Variants in EFR3A observed in about 807,000 individuals in gnomAD.
EFR3A encodes the protein EFR3 homolog A.
In EFR3A, 76 loss-of-function variants were observed where a neutral mutation model predicts 104.4. That is an observed-to-expected ratio of 0.73 (90% CI 0.60 to 0.88). The LOEUF (loss-of-function observed/expected upper bound fraction) is 0.88, where lower values mean the gene tolerates loss of function less well. Ranked by LOEUF, EFR3A falls within the 40% of genes least tolerant of loss-of-function variation. The probability of loss-of-function intolerance (pLI) is 0.00; values close to 1 mark genes in which losing one functional copy is unlikely to be tolerated. For synonymous variants in EFR3A, 330 were observed against 330.0 expected (o/e 1.00, Z 0.00); for missense variants, 985 against 1,012.5 (o/e 0.97, Z 0.37).
At chr8:131,979,079 A>G in intron 13 of EFR3A, 60 bp downstream of exon 13, 1 of 1,454,122 alleles carries the variant, frequency 6.9e-7, no homozygotes, top group Non-Finnish European at 9.3e-7. Context: ...AAATTAGTGT[A>G]TTTAAGTATT....
chr8:131,959,709 G>T, intron 8 of EFR3A, 46 bp downstream of exon 8: 3 of 1,411,440 alleles, frequency 2.1e-6, no homozygotes, highest in Admixed American at 1.9e-5. Context: ...AGTAATTTTG[G>T]TTCTCTATGG....
intron 19 of EFR3A, among the ~76,000 whole-genome samples, chr8:132,001,250 C>A (rs1821766918): frequency 6.6e-6 from 1 of 152,166 alleles, no homozygotes; most frequent in Admixed American, 6.5e-5. Context: ...GTGGTTCTAA[C>A]TTTTAAATCA....
intron 10 of EFR3A, among the ~76,000 whole-genome samples, chr8:131,972,256 C>CTT (rs34550285): frequency 0.011 from 1,496 of 139,602 alleles, 30 homozygotes; most frequent in African/African-American, 0.035. Context: ...CTCCCTGAAC[C>CTT]TTTTTTTTTT....
chr8:131,987,201 C>A (rs1427011953), intron 17 of EFR3A, among the ~76,000 whole-genome samples: 1 of 152,060 alleles, frequency 6.6e-6, no homozygotes, highest in African/African-American at 2.4e-5. Flanking sequence ...CATTAACAAT[C>A]AGTGGGCTAA....
At chr8:131,925,178 C>G (rs940066035) in intron 1 of EFR3A, among the ~76,000 whole-genome samples, 1 of 152,058 alleles carries the variant, frequency 6.6e-6, no homozygotes, top group African/African-American at 2.4e-5. Context: ...AGACTAGTCC[C>G]TTTTTCACAT....
chr8:132,010,969 C>T lies in EFR3A; in HGVS notation c.*74C>T, dbSNP rs1822317252. ...GGCCAAGCTGAGCTTTCAGGGTTTACTTAATGTGTATTAACATACTTCTTG... is the reference window on the plus strand; with the variant it reads ...GGCCAAGCTGAGCTTTCAGGGTTTATTTAATGTGTATTAACATACTTCTTG... On this transcript the variant is annotated 3_prime_UTR_variant, in exon 23 of 23. Coordinates refer to ENST00000254624, the MANE Select transcript of EFR3A (RefSeq NM_015137.6). The T allele has an allele frequency of 6.8e-7, 1 of 1,467,626 alleles. No individual in the cohort carries two copies. Among genetic ancestry groups the T allele is most frequent in the Non-Finnish European group, 9.2e-7 (1 of 1,088,776 alleles). The allele number at this position is 1,467,626 out of a possible 1,614,324, so 90.9% of individuals were successfully genotyped here.
intron 6 of EFR3A, 118 bp downstream of exon 6, chr8:131,954,085 AGT>A (rs1053703694): frequency 1.9e-6 from 2 of 1,049,636 alleles, no homozygotes; most frequent in Non-Finnish European, 2.6e-6. Flanking sequence ...CGTAAAGTTA[AGT>A]GAGTTTAAAA....
At chr8:131,972,533 T>A (rs1377620761) in intron 10 of EFR3A, among the ~76,000 whole-genome samples, 4 of 152,048 alleles carry the variant, frequency 2.6e-5, no homozygotes, top group Non-Finnish European at 5.9e-5. Context: ...CCATGAGAAT[T>A]TACAATTTTG....
chr8:132,007,039 G>T (rs1392696169), intron 22 of EFR3A, among the ~76,000 whole-genome samples: 3 of 151,874 alleles, frequency 2.0e-5, no homozygotes, highest in African/African-American at 7.2e-5. Flanking sequence ...AAAATCTATT[G>T]CTGATGTTAT....
chr8:131,970,397 C>A, intron 9 of EFR3A, 79 bp from the exon 10 acceptor site: 2 of 1,301,776 alleles, frequency 1.5e-6, no homozygotes, highest in African/African-American at 1.5e-5. Context: ...CAGAAACAAT[C>A]TGTGGAGAAA....
At chr8:131,968,479 T>G in intron 9 of EFR3A, 49 bp downstream of exon 9, 1 of 1,588,030 alleles carries the variant, frequency 6.3e-7, no homozygotes, top group Non-Finnish European at 8.6e-7. Flanking sequence ...TGGTTCAAAG[T>G]GTCCTTTCAG....
intron 1 of EFR3A, among the ~76,000 whole-genome samples, chr8:131,939,360 TCAC>T (rs1818057705): frequency 6.6e-6 from 1 of 152,124 alleles, no homozygotes; most frequent in South Asian, 2.1e-4. Flanking sequence ...ACTAGACACT[TCAC>T]CATTTGCTTA....
chr8:131,969,909 C>A (rs1586625858), intron 9 of EFR3A, among the ~76,000 whole-genome samples: 1 of 152,182 alleles, frequency 6.6e-6, no homozygotes, highest in Admixed American at 6.5e-5. Flanking sequence ...AAATGAAACC[C>A]ACTAATTAAA....
At chr8:131,952,048 T>C (rs556841212) in intron 5 of EFR3A, among the ~76,000 whole-genome samples, 1 of 152,218 alleles carries the variant, frequency 6.6e-6, no homozygotes, top group African/African-American at 2.4e-5. Flanking sequence ...CTTATTTTCC[T>C]TGAAGAACTG....
chr8:131,977,370 G>A (rs1346760709), intron 12 of EFR3A, among the ~76,000 whole-genome samples: 2 of 152,098 alleles, frequency 1.3e-5, no homozygotes, highest in Non-Finnish European at 2.9e-5. Flanking sequence ...GACTGTGAGT[G>A]GAAGGAGTTG....
intron 10 of EFR3A, among the ~76,000 whole-genome samples, chr8:131,973,667 C>T (rs766590103): frequency 1.3e-5 from 2 of 152,162 alleles, no homozygotes; most frequent in African/African-American, 4.8e-5. Context: ...TTATTCCTGT[C>T]GGTGGGCCAT....
chr8:131,965,653 C>T (rs1022261004), intron 8 of EFR3A, among the ~76,000 whole-genome samples: 2 of 152,114 alleles, frequency 1.3e-5, no homozygotes, highest in African/African-American at 2.4e-5. Context: ...GGCAGTGTGG[C>T]AATTCCTCAG....
At chr8:131,958,103 G>A (rs1160121435) in intron 7 of EFR3A, among the ~76,000 whole-genome samples, 2 of 152,150 alleles carry the variant, frequency 1.3e-5, no homozygotes, top group African/African-American at 4.8e-5. Context: ...TTCTTGACAA[G>A]TGCATATGCG....
At chr8:131,961,966 A>C (rs1819370331) in intron 8 of EFR3A, among the ~76,000 whole-genome samples, 1 of 152,212 alleles carries the variant, frequency 6.6e-6, no homozygotes, top group Non-Finnish European at 1.5e-5. Context: ...ACTAAGCTTC[A>C]TAAGTGAAGG....
Sources: allele counts gnomAD v4.1 joint callset (sites outside exome capture counted in the v4.1 genomes callset), GRCh38; gene constraint gnomAD v4.1.1; transcripts MANE v1.5; gene names NCBI Gene and HGNC (gene_info 2026-07-23, HGNC 2026-07-21).